The following VPS37D variants were observed in gnomAD, a reference collection of about 807,000 sequenced individuals.
The protein encoded by VPS37D is vacuolar protein sorting-associated protein 37D.
VPS37D carries 5 observed loss-of-function variants against 22.0 expected under a neutral mutation model. The ratio of observed to expected loss-of-function variants is 0.23; its 90% CI spans 0.12 to 0.48. VPS37D has a LOEUF of 0.48. VPS37D is among the 20% of genes least tolerant of loss of function. The probability of loss-of-function intolerance (pLI) is 0.99; values close to 1 mark genes in which losing one functional copy is unlikely to be tolerated. For synonymous variants in VPS37D, 174 were observed against 159.3 expected (o/e 1.09, Z -0.69); for missense variants, 384 against 345.8 (o/e 1.11, Z -0.88).
At chr7:73,667,259 C>A (rs797024034), upstream of VPS37D, among the ~76,000 whole-genome samples, 14 of 152,246 alleles carry the variant, frequency 9.2e-5, no homozygotes, top group African/African-American at 3.1e-4. Context: ...CAGGCGTGAG[C>A]CACCGCGCCC....
chr7:73,671,160 G>A lies in VPS37D; in HGVS notation c.540G>A (p.Gln180=). 6.2e-7 allele frequency: 1 copy of A among 1,605,636 alleles called. No individual in the cohort carries two copies. Among genetic ancestry groups the A allele is most frequent in the South Asian group, 1.1e-5 (1 of 90,672 alleles). Residue 180 remains glutamine (Q), a synonymous_variant, in exon 4 of 4, where the codon CAG becomes CAA. Transcript: ENST00000324941. ...ELLRRRERSA[Q]PAPTSAADPP... ...TGCGGCGTCGGGAGCGTTCTGCCCA[G>A]CCGGCCCCCACCTCGGCTGCTGATC...
chr7:73,670,583 G>A lies in VPS37D; in HGVS notation c.394-431G>A, dbSNP rs180754661. ...AGCACTTTGGGAGACCGAGGCGGGC[G>A]GATCGCCTGAGGTCAGGAGTTCGAG... On this transcript the variant is annotated intron_variant, in intron 3 of 3. Coordinates refer to ENST00000324941, the MANE Select transcript of VPS37D (RefSeq NM_001077621.2). Among the ~76,000 whole-genome samples the A allele has an allele frequency of 2.0e-3, 309 of 152,260 alleles. 1 individual carries two copies. Among genetic ancestry groups the A allele is most frequent in the African/African-American group, 6.9e-3 (285 of 41,540 alleles).
chr7:73,667,848 C>A lies in VPS37D; in HGVS notation c.-111C>A. On this transcript the variant is annotated 5_prime_UTR_variant, in exon 1 of 4. Transcript: ENST00000324941. ...CTGGCGGCGGAGCGGTGCGTGCGGC[C>A]GGAGCCGGAGCGGATCCTGGAGCCG... is the stretch of plus-strand genomic sequence containing the variant. 1 of 274,594 alleles carries A rather than the reference C, an allele frequency of 3.6e-6. No individual in the cohort carries two copies. Among genetic ancestry groups the A allele is most frequent in the South Asian group, 1.3e-4 (1 of 7,792 alleles). The allele number at this position is 274,594 out of a possible 1,614,324, so 17.0% of individuals were successfully genotyped here.
chr7:73,671,413 C>T lies in VPS37D; in HGVS notation c.*37C>T. 2 of 1,288,038 alleles carry T rather than the reference C, an allele frequency of 1.6e-6. No individual in the cohort carries two copies. The highest frequency in any genetic ancestry group is 1.0e-6 in the Non-Finnish European group (1 of 1,000,532). The allele number at this position is 1,288,038 out of a possible 1,614,324, so 79.8% of individuals were successfully genotyped here. On this transcript the variant is annotated 3_prime_UTR_variant, in exon 4 of 4. Coordinates refer to ENST00000324941, the MANE Select transcript of VPS37D (RefSeq NM_001077621.2). Reference sequence around the variant, plus strand: ...CGGCCCCCCAGTTGGGGGGCCTAGACAAACTTGATGCGTGGCTCCTCCTCC... The same window carrying T: ...CGGCCCCCCAGTTGGGGGGCCTAGATAAACTTGATGCGTGGCTCCTCCTCC...
chr7:73,667,020 T>C (rs1201675566), upstream of VPS37D, among the ~76,000 whole-genome samples: 7 of 143,472 alleles, frequency 4.9e-5, no homozygotes, highest in Non-Finnish European at 1.1e-4. Context: ...TCACCCAGCC[T>C]GGAGTGCAGT....
At position 73,667,904 on chromosome 7, in the gene VPS37D, G is replaced by GGAGCGGGCC. The variant is rs1160801612; in HGVS notation, c.-41_-33dup. 58 of 670,332 alleles carry GGAGCGGGCC rather than the reference G, an allele frequency of 8.7e-5. No homozygotes were observed. In the Admixed American group the frequency reaches 9.6e-4, roughly 11 times the overall value. 41.5% of individuals were successfully genotyped at this position (670,332 alleles called of 1,614,324 possible). On this transcript the variant is annotated 5_prime_UTR_variant, in exon 1 of 4. Transcript: ENST00000324941. ...GAGCGGAGCGGAGCGGAGCCGGGGC[G>GGAGCGGGCC]GAGCGGGCCGAGCGGGCCGAGCCAG...
In VPS37D at chr7:73,667,886, G is replaced by GC; in HGVS notation, c.-72dup. The GC allele has an allele frequency of 8.3e-6, 4 of 482,610 alleles. No individual in the cohort carries two copies. Among genetic ancestry groups the GC allele is most frequent in the Non-Finnish European group, 1.1e-5 (4 of 367,072 alleles). 29.9% of individuals were successfully genotyped at this position (482,610 alleles called of 1,614,324 possible). A position where few individuals can be genotyped will look rare whatever the true frequency, so the allele number is the denominator to read the frequency against. On this transcript the variant is annotated 5_prime_UTR_variant, in exon 1 of 4. Transcript: ENST00000324941. ...GATCCTGGAGCCGGAGCGGAGCGGA[G>GC]CGGAGCGGAGCCGGGGCGGAGCGGG... is the stretch of plus-strand genomic sequence containing the variant.
intron 1 of VPS37D, among the ~76,000 whole-genome samples, chr7:73,669,190 C>T (rs552870011): frequency 9.7e-4 from 148 of 152,264 alleles, no homozygotes; most frequent in Non-Finnish European, 1.6e-3. Flanking sequence ...TTTTTTAACT[C>T]GATTTGTAAA....
At chr7:73,668,120 G>C (rs1302911789) in intron 1 of VPS37D, 24 bp downstream of exon 1, 1 of 1,082,488 alleles carries the variant, frequency 9.2e-7, no homozygotes, top group African/African-American at 1.7e-5. Flanking sequence ...CTCGAGCGGG[G>C]GGCGCGGGGG....
Position 73,671,326 on chromosome 7 carries a change from GC to G in VPS37D, c.712del (p.Leu238CysfsTer2), listed in dbSNP as rs1554609756. The G allele has an allele frequency of 7.2e-6, 10 of 1,382,162 alleles. No homozygotes were observed. Among genetic ancestry groups the G allele is most frequent in the Non-Finnish European group, 9.4e-6 (10 of 1,064,936 alleles). The allele number at this position is 1,382,162 out of a possible 1,614,324, so 85.6% of individuals were successfully genotyped here. On this transcript the variant is annotated frameshift_variant, in exon 4 of 4. Coordinates refer to ENST00000324941, the MANE Select transcript of VPS37D (RefSeq NM_001077621.2). LOFTEE classifies it high-confidence loss of function. ...KGSPGCPLGP[A>X]PLLSPRPSQP... ...CTCCCCCGGGTGCCCCCTCGGCCCG[GC>G]CCCCCTGCTGAGCCCTCGGCCCTCG...
chr7:73,670,205 GA>G, intron 3 of VPS37D, 103 bp downstream of exon 3: 3 of 1,522,404 alleles, frequency 2.0e-6, no homozygotes, highest in Non-Finnish European at 2.7e-6. Context: ...CCTCCTCTGG[GA>G]AGTCCACCCT....
rs1554609215 is a variant in VPS37D at position 73,669,370 on chromosome 7, G to C, written c.139-49G>C. 6.0e-6 allele frequency: 9 copies of C among 1,500,528 alleles called. No individual in the cohort carries two copies. The Admixed American group carries it at 1.9e-4, about 32-fold the overall frequency. The allele number at this position is 1,500,528 out of a possible 1,614,324, so 93.0% of individuals were successfully genotyped here. A position where few individuals can be genotyped will look rare whatever the true frequency, so the allele number is the denominator to read the frequency against. On this transcript the variant is annotated intron_variant, in intron 1 of 3. Transcript: ENST00000324941. The stretch of plus-strand genomic sequence containing the variant: ...GTAGGGTGGACGGGGCAGTAGGGTG[G>C]ACAGGGCAGATCCCCTGAGCGGGCC...
chr7:73,671,286 G>A lies in VPS37D; in HGVS notation c.666G>A (p.Val222=). 2 of 1,440,126 alleles carry A rather than the reference G, an allele frequency of 1.4e-6. No individual in the cohort carries two copies. Among genetic ancestry groups the A allele is most frequent in the Non-Finnish European group, 9.1e-7 (1 of 1,100,418 alleles). 89.2% of individuals were successfully genotyped at this position (1,440,126 alleles called of 1,614,324 possible). A position where few individuals can be genotyped will look rare whatever the true frequency, so the allele number is the denominator to read the frequency against. The change falls in exon 4 of 4, where the codon GTG becomes GTA. Residue 222 remains valine, a synonymous_variant. Transcript: ENST00000324941. ...TGCCCCCCTTGGACTCCCGCCCAGT[G>A]CCCCCACTGAAGGGCTCCCCCGGGT... ...RSLPPLDSRP[V]PPLKGSPGCP... is the part of the protein sequence containing the mutation.
Position 73,671,294 on chromosome 7 carries a change from T to C in VPS37D, c.674T>C (p.Leu225Pro). 1 of 1,411,898 alleles carries C rather than the reference T, an allele frequency of 7.1e-7. No homozygotes were observed. Among genetic ancestry groups the C allele is most frequent in the Non-Finnish European group, 9.2e-7 (1 of 1,086,502 alleles). 87.5% of individuals were successfully genotyped at this position (1,411,898 alleles called of 1,614,324 possible). Reference protein sequence around the residue: ...PPLDSRPVPPLKGSPGCPLGP... With the variant: ...PPLDSRPVPPPKGSPGCPLGP... ...TTGGACTCCCGCCCAGTGCCCCCAC[T>C]GAAGGGCTCCCCCGGGTGCCCCCTC... The change falls in exon 4 of 4, where the codon CTG becomes CCG. Residue 225 changes from leucine to proline, a missense_variant. Coordinates refer to ENST00000324941, the MANE Select transcript of VPS37D (RefSeq NM_001077621.2).
rs1217731834 is a variant in VPS37D, at chr7:73,671,748, G to A, written c.*372G>A. ...ACCTGTCGCACCCCACCACTCCACTGGGCTCGCACAACGCCAAGGCCGCCA... is the reference window on the plus strand; with the variant it reads ...ACCTGTCGCACCCCACCACTCCACTAGGCTCGCACAACGCCAAGGCCGCCA... On this transcript the variant is annotated 3_prime_UTR_variant, in exon 4 of 4. Coordinates refer to ENST00000324941, the MANE Select transcript of VPS37D (RefSeq NM_001077621.2). 1 of 153,760 alleles carries A rather than the reference G, an allele frequency of 6.5e-6. No individual in the cohort carries two copies. Among genetic ancestry groups the A allele is most frequent in the Non-Finnish European group, 1.4e-5 (1 of 69,214 alleles). 9.5% of individuals were successfully genotyped at this position (153,760 alleles called of 1,614,324 possible).
Position 73,671,006 on chromosome 7 carries a change from C to G in VPS37D, c.394-8C>G. ...CTCTCCCAAGCCTTCCCTTCCCTCCCGGCCCAGGAGCAGATGGAGCAGCTG... is the reference window on the plus strand; with the variant it reads ...CTCTCCCAAGCCTTCCCTTCCCTCCGGGCCCAGGAGCAGATGGAGCAGCTG... On this transcript the variant is annotated splice_polypyrimidine_tract_variant and splice_region_variant and intron_variant, in intron 3 of 3. Coordinates refer to ENST00000324941, the MANE Select transcript of VPS37D (RefSeq NM_001077621.2). 6.2e-7 allele frequency: 1 copy of G among 1,610,766 alleles called. No individual in the cohort carries two copies. The highest frequency in any genetic ancestry group is 8.5e-7 in the Non-Finnish European group (1 of 1,178,548).
At chr7:73,666,714 C>T (rs1554608714), upstream of VPS37D, among the ~76,000 whole-genome samples, 1 of 151,822 alleles carries the variant, frequency 6.6e-6, no homozygotes, top group African/African-American at 2.4e-5. Flanking sequence ...GATGCTTCTG[C>T]ATGTCTAAAA....
rs879987947 is a variant in VPS37D, at chr7:73,667,871, C to CCGGAGCGGAGCGGAGCGGAG, written c.-81_-62dup. On this transcript the variant is annotated 5_prime_UTR_variant, in exon 1 of 4. Transcript: ENST00000324941. ...GCCGGAGCCGGAGCGGATCCTGGAG[C>CCGGAGCGGAGCGGAGCGGAG]CGGAGCGGAGCGGAGCGGAGCGGAG... is the stretch of plus-strand genomic sequence containing the variant. 86 of 372,886 alleles carry CCGGAGCGGAGCGGAGCGGAG rather than the reference C, an allele frequency of 2.3e-4. No homozygotes were observed. Among genetic ancestry groups the CCGGAGCGGAGCGGAGCGGAG allele is most frequent in the Non-Finnish European group, 2.8e-4 (76 of 268,220 alleles). 23.1% of individuals were successfully genotyped at this position (372,886 alleles called of 1,614,324 possible). A position where few individuals can be genotyped will look rare whatever the true frequency, so the allele number is the denominator to read the frequency against.
Position 73,667,912 on chromosome 7 carries a change from C to A in VPS37D, c.-47C>A. On this transcript the variant is annotated 5_prime_UTR_variant, in exon 1 of 4. Transcript: ENST00000324941. ...CGGAGCGGAGCCGGGGCGGAGCGGG[C>A]CGAGCGGGCCGAGCCAGCAGCCGAG... 5.4e-6 allele frequency: 4 copies of A among 745,626 alleles called. No individual in the cohort carries two copies. The highest frequency in any genetic ancestry group is 6.6e-6 in the Non-Finnish European group (4 of 606,594). 46.2% of individuals were successfully genotyped at this position (745,626 alleles called of 1,614,324 possible). A position where few individuals can be genotyped will look rare whatever the true frequency, so the allele number is the denominator to read the frequency against.
Sources: gnomAD v4.1 joint callset for allele counts (sites outside exome capture counted in the v4.1 genomes callset) on GRCh38, gnomAD v4.1.1 for gene constraint, MANE v1.5 for transcripts, NCBI Gene and HGNC (gene_info 2026-07-23, HGNC 2026-07-21) for gene names.